RAB27A: variants seen among roughly 807,000 people sequenced by gnomAD.
RAB27A encodes the protein ras-related protein Rab-27A.
A neutral mutation model predicts 20.8 loss-of-function variants in RAB27A; 17 were observed. The ratio of observed to expected loss-of-function variants is 0.82; its 90% CI spans 0.56 to 1.23. The LOEUF (loss-of-function observed/expected upper bound fraction) is 1.23, where lower values mean the gene tolerates loss of function less well. Among genes scored for constraint, RAB27A ranks in the 50% most tolerant of loss-of-function variants. RAB27A has a pLI of 0.00. For synonymous variants in RAB27A, 85 were observed against 92.8 expected (o/e 0.92, Z 0.48); for missense variants, 277 against 266.7 (o/e 1.04, Z -0.27).
At position 55,261,110 on chromosome 15, in the gene RAB27A, C is replaced by T. The variant is rs536854146; in HGVS notation, c.-23+9055G>A. Among the ~76,000 whole-genome samples, 347 of 152,230 alleles carry T rather than the reference C, an allele frequency of 2.3e-3. 1 individual carries two copies. Among genetic ancestry groups the T allele is most frequent in the Non-Finnish European group, 3.7e-3 (250 of 68,008 alleles). On this transcript the variant is annotated intron_variant, in intron 2 of 6. Transcript: ENST00000336787. ...CCTAAAACTGCTCTAAAAACTAAAA[C>T]TCGGCCAGGCATGGTGGCTCATGGT...
Position 55,224,025 on chromosome 15 carries a change from G to T in RAB27A, c.344-13C>A, listed in dbSNP as rs1171254261. 6.5e-7 allele frequency: 1 copy of T among 1,541,720 alleles called. No homozygotes were observed. ...ATCTGTAGCTGGCCTATTAATATAA[G>T]AAAGTTTATTATATATGTAAATAAT... On this transcript the variant is annotated splice_polypyrimidine_tract_variant and intron_variant, in intron 5 of 6. Transcript: ENST00000336787.
Position 55,283,316 on chromosome 15 carries a change from C to G in RAB27A, c.-143+6400G>C, listed in dbSNP as rs368133947. Among the ~76,000 whole-genome samples, 8 of 152,284 alleles carry G rather than the reference C, an allele frequency of 5.3e-5. No individual in the cohort carries two copies. In the South Asian group the frequency reaches 6.2e-4, roughly 12 times the overall value. On this transcript the variant is annotated intron_variant, in intron 1 of 6. Coordinates refer to ENST00000336787, the MANE Select transcript of RAB27A (RefSeq NM_183235.3). ...GAAAATCACCCCCAACTGACATACA[C>G]TGGTGTGATATCACATAGTTAATAA...
intron 2 of RAB27A, among the ~76,000 whole-genome samples, chr15:55,239,519 C>T (rs1054643417): frequency 2.0e-5 from 3 of 152,014 alleles, no homozygotes; most frequent in Non-Finnish European, 4.4e-5. Context: ...TGTTCGAGTA[C>T]AGTAAAGGAT....
At position 55,205,104 on chromosome 15, in the gene RAB27A, G is replaced by A. The variant is rs1375967421; in HGVS notation, c.*403C>T. ...AGTCTTCAAATCTGGATTGAAGACT[G>A]TGGCGGTTTTATAACTGCATGTAAG... On this transcript the variant is annotated 3_prime_UTR_variant, in exon 7 of 7. Transcript: ENST00000336787. The A allele has an allele frequency of 4.2e-6, 1 of 235,906 alleles. No homozygotes were observed. The highest frequency in any genetic ancestry group is 2.3e-5 in the African/African-American group (1 of 43,132). The allele number at this position is 235,906 out of a possible 1,614,324, so 14.6% of individuals were successfully genotyped here.
chr15:55,250,056 G>A (rs936759995), intron 2 of RAB27A, among the ~76,000 whole-genome samples: 16 of 151,948 alleles, frequency 1.1e-4, no homozygotes, highest in African/African-American at 3.6e-4. Flanking sequence ...ACCACCTCCC[G>A]GGTTTAAGCA....
At chr15:55,218,345 G>A (rs974146281) in intron 6 of RAB27A, among the ~76,000 whole-genome samples, 1 of 152,206 alleles carries the variant, frequency 6.6e-6, no homozygotes, top group African/African-American at 2.4e-5. Context: ...CTGTGAATCA[G>A]TCTTGTATGT....
intron 2 of RAB27A, among the ~76,000 whole-genome samples, chr15:55,259,334 C>A (rs138443591): frequency 3.0e-4 from 46 of 151,714 alleles, no homozygotes; most frequent in African/African-American, 1.1e-3. Context: ...CGGTCTCACT[C>A]CAGTGCAATG....
chr15:55,319,068 G>A (rs574864501), exon 1 of RAB27A: 209 of 695,274 alleles, frequency 3.0e-4, no homozygotes, highest in Non-Finnish European at 3.6e-4. Context: ...CAATCCCTCG[G>A]TTCGGAAACG....
chr15:55,302,585 T>C (rs1226725644), intron 2 of RAB27A, among the ~76,000 whole-genome samples: 1 of 136,648 alleles, frequency 7.3e-6, no homozygotes, highest in Non-Finnish European at 1.6e-5. Context: ...GTCTGGAAAG[T>C]GAGGAGCGTC....
At chr15:55,294,589 G>GAAAAAAAAAAAAAAAAAAAAAAAA (rs1181179911), upstream of RAB27A, among the ~76,000 whole-genome samples, 1 of 29,186 alleles carries the variant, frequency 3.4e-5, no homozygotes, top group Non-Finnish European at 6.5e-5. Context: ...CCCTGTCTCC[G>GAAAAAAAAAAAAAAAAAAAAAAAA]AAAAAAAAAA....
chr15:55,230,260 G>T, intron 4 of RAB27A, 141 bp downstream of exon 4: 1 of 788,588 alleles, frequency 1.3e-6, no homozygotes, highest in South Asian at 1.4e-5. Context: ...TCTCAGACTT[G>T]ACAAATTTCC....
chr15:55,296,996 G>C (rs2054952132), intron 2 of RAB27A, among the ~76,000 whole-genome samples: 1 of 152,166 alleles, frequency 6.6e-6, no homozygotes, highest in African/African-American at 2.4e-5. Context: ...TATTTTATCT[G>C]GGAGTAAGCA....
intron 6 of RAB27A, among the ~76,000 whole-genome samples, chr15:55,217,649 G>C (rs1323529272): frequency 9.4e-6 from 1 of 106,948 alleles, no homozygotes; most frequent in African/African-American, 3.8e-5. Context: ...GGGTGACAGA[G>C]CTACACTCCA....
chr15:55,249,606 C>T (rs7171029), intron 2 of RAB27A, among the ~76,000 whole-genome samples: 33,267 of 151,996 alleles, frequency 0.22, 6,418 homozygotes, highest in African/African-American at 0.51. Context: ...AAATGTTCCA[C>T]GATTATGTGA....
intron 2 of RAB27A, among the ~76,000 whole-genome samples, chr15:55,306,558 A>C (rs1315403035): frequency 1.3e-5 from 2 of 152,228 alleles, no homozygotes; most frequent in African/African-American, 4.8e-5. Context: ...GTATGGGTGA[A>C]CTAAGTCCAA....
chr15:55,206,783 A>G (rs917318235), intron 6 of RAB27A, among the ~76,000 whole-genome samples: 3 of 152,226 alleles, frequency 2.0e-5, no homozygotes, highest in Admixed American at 2.0e-4. Flanking sequence ...ATTTCTTAAT[A>G]TAGCTATAAA....
At chr15:55,225,278 G>T (rs1895753001) in intron 5 of RAB27A, among the ~76,000 whole-genome samples, 1 of 152,200 alleles carries the variant, frequency 6.6e-6, no homozygotes. Flanking sequence ...TGTACCTAGG[G>T]ATGAATCCTG....
chr15:55,215,158 A>T (rs1895221173), intron 6 of RAB27A, among the ~76,000 whole-genome samples: 1 of 152,240 alleles, frequency 6.6e-6, no homozygotes. Context: ...ACTTCATTTT[A>T]AAAATTCTCT....
chr15:55,267,214 C>T (rs899480318), intron 2 of RAB27A, among the ~76,000 whole-genome samples: 3 of 152,134 alleles, frequency 2.0e-5, no homozygotes, highest in African/African-American at 7.2e-5. Context: ...GATTTACCAT[C>T]TAGCTAAAAG....
Sources: allele counts gnomAD v4.1 joint callset (sites outside exome capture counted in the v4.1 genomes callset), GRCh38; gene constraint gnomAD v4.1.1; transcripts MANE v1.5; gene names NCBI Gene and HGNC (gene_info 2026-07-23, HGNC 2026-07-21).